The following WAPL variants were observed in gnomAD, a reference collection of about 807,000 sequenced individuals.
WAPL encodes wings apart-like protein homolog.
WAPL carries 5 observed loss-of-function variants against 121.0 expected under a neutral mutation model. The ratio of observed to expected loss-of-function variants is 0.04; its 90% CI spans 0.02 to 0.09. The LOEUF (loss-of-function observed/expected upper bound fraction) is 0.09. Among genes scored for constraint, WAPL ranks in the 10% least tolerant of loss-of-function variants. WAPL has a pLI of 1.00. For missense variants in WAPL, 999 were observed against 1,410.8 expected (o/e 0.71, Z 4.68); for synonymous variants, 480 against 481.5 (o/e 1.00, Z 0.04).
intron 4 of WAPL, among the ~76,000 whole-genome samples, chr10:86,474,760 A>G (rs1044505115): frequency 1.3e-5 from 2 of 152,176 alleles, no homozygotes; most frequent in Non-Finnish European, 2.9e-5. Flanking sequence ...GATGATAATA[A>G]TAATAGTTCA....
In WAPL at chr10:86,471,088, A is replaced by G; in HGVS notation, c.2046T>C (p.Ala682=). The G allele has an allele frequency of 3.1e-6, 5 of 1,613,816 alleles. No individual in the cohort carries two copies. Among genetic ancestry groups the G allele is most frequent in the East Asian group, 2.2e-5 (1 of 44,858 alleles). The change falls in exon 8 of 19, where the codon GCT becomes GCC. Residue 682 remains alanine, a synonymous_variant. Coordinates refer to ENST00000298767, the MANE Select transcript of WAPL (RefSeq NM_015045.5). ...GAAAACTGGGCATGGCACATTTAGT[A>G]GCCAAGCTAATAACACTACAAGAAA... is the stretch of plus-strand genomic sequence containing the variant. ...NTRCLSVISL[A]TKCAMPSFRM...
At chr10:86,484,804 T>A (rs72846953) in intron 4 of WAPL, among the ~76,000 whole-genome samples, 4,134 of 152,276 alleles carry the variant, frequency 0.027, 84 homozygotes, top group Non-Finnish European at 0.042. Flanking sequence ...TACGGCAACA[T>A]ATCAGAAGCA....
intron 2 of WAPL, among the ~76,000 whole-genome samples, chr10:86,505,461 A>AT (rs1354476435): frequency 6.7e-6 from 1 of 149,824 alleles, no homozygotes; most frequent in Non-Finnish European, 1.5e-5. Context: ...TAATTTTTTT[A>AT]TTTTTAGCAG....
At chr10:86,476,219 G>T (rs918201754) in intron 4 of WAPL, among the ~76,000 whole-genome samples, 1 of 151,124 alleles carries the variant, frequency 6.6e-6, no homozygotes, top group African/African-American at 2.4e-5. Context: ...CAAAAAATTA[G>T]CGGGGCACGG....
At chr10:86,442,984 A>C (rs1279325448) in intron 17 of WAPL, among the ~76,000 whole-genome samples, 1 of 147,136 alleles carries the variant, frequency 6.8e-6, no homozygotes, top group Admixed American at 6.9e-5. Context: ...TGGAGCTTGC[A>C]GTGAGCCGAG....
At chr10:86,444,497 T>C (rs146292226) in intron 16 of WAPL, among the ~76,000 whole-genome samples, 9 of 152,346 alleles carry the variant, frequency 5.9e-5, no homozygotes, top group African/African-American at 1.9e-4. Flanking sequence ...GTCTAAGGAA[T>C]ACAGTATTAA....
chr10:86,461,327 G>T, intron 9 of WAPL, 40 bp from the exon 10 acceptor site: 2 of 1,493,532 alleles, frequency 1.3e-6, no homozygotes, highest in Non-Finnish European at 9.2e-7. Context: ...TCAACTTTTA[G>T]CAATAACTCT....
At chr10:86,438,234 A>G (rs1849373472) in intron 17 of WAPL, among the ~76,000 whole-genome samples, 1 of 150,506 alleles carries the variant, frequency 6.6e-6, no homozygotes, top group African/African-American at 2.4e-5. Flanking sequence ...CTACAAAGAA[A>G]TATTTGTGTA....
At position 86,521,780 on chromosome 10, in the gene WAPL, C is replaced by T. The variant is rs973129592; in HGVS notation, c.-438G>A. The T allele has an allele frequency of 3.2e-5, 14 of 438,274 alleles. No individual in the cohort carries two copies. Among genetic ancestry groups the T allele is most frequent in the Non-Finnish European group, 5.2e-5 (11 of 212,888 alleles). The allele number at this position is 438,274 out of a possible 1,614,324, so 27.1% of individuals were successfully genotyped here. ...CCCCACCTCCTTCCTCCAACAGCCG[C>T]TCGCTCCGTCACTCCGCTTCCCACA... On this transcript the variant is annotated 5_prime_UTR_variant, in exon 1 of 19. Transcript: ENST00000298767.
At position 86,520,766 on chromosome 10, in the gene WAPL, T is replaced by TA. The variant is rs10574217; in HGVS notation, c.-23+598dup. On this transcript the variant is annotated intron_variant, in intron 1 of 18. Transcript: ENST00000298767. ...ATTTTGAGAGAAGTGCGCTGTGATT[T>TA]AAAAAAAAAAAAAAAAAAAAAAAAG... 4.9e-3 allele frequency among the ~76,000 whole-genome samples: 485 copies of TA among 98,094 alleles called. 3 individuals carry two copies. Among genetic ancestry groups the TA allele is most frequent in the South Asian group, 0.011 (28 of 2,590 alleles). 64.4% of individuals were successfully genotyped at this position (98,094 alleles called of 152,430 possible).
chr10:86,450,386 C>G (rs1006754671), intron 15 of WAPL, among the ~76,000 whole-genome samples: 1 of 152,120 alleles, frequency 6.6e-6, no homozygotes, highest in Non-Finnish European at 1.5e-5. Context: ...TGAGCATGCA[C>G]CACCACACTC....
chr10:86,481,562 G>A (rs986760883), intron 4 of WAPL, among the ~76,000 whole-genome samples: 5 of 152,028 alleles, frequency 3.3e-5, no homozygotes, highest in African/African-American at 7.2e-5. Flanking sequence ...TAGTAGAGAC[G>A]GGGTTTATCC....
chr10:86,477,052 C>T (rs1470267647), intron 4 of WAPL, among the ~76,000 whole-genome samples: 1 of 152,116 alleles, frequency 6.6e-6, no homozygotes, highest in Non-Finnish European at 1.5e-5. Context: ...CCAATTAGAA[C>T]TTTTTCTTGA....
chr10:86,495,881 G>A (rs900584086), intron 4 of WAPL, among the ~76,000 whole-genome samples: 4 of 152,136 alleles, frequency 2.6e-5, no homozygotes, highest in Non-Finnish European at 5.9e-5. Context: ...CTGGGACACC[G>A]AGGCAAGTGT....
intron 4 of WAPL, among the ~76,000 whole-genome samples, chr10:86,488,291 T>C (rs984306328): frequency 9.9e-5 from 15 of 152,192 alleles, no homozygotes; most frequent in African/African-American, 3.4e-4. Flanking sequence ...CTAGAAGCAA[T>C]GACACTTCAG....
intron 17 of WAPL, among the ~76,000 whole-genome samples, chr10:86,438,271 T>TTA (rs1554825066): frequency 1.5e-4 from 22 of 148,304 alleles, no homozygotes; most frequent in Admixed American, 2.0e-4. Flanking sequence ...TTTTTTTTTT[T>TTA]AAATGAAACA....
Position 86,435,919 on chromosome 10 carries a change from A to T in WAPL, c.*1624T>A, listed in dbSNP as rs1023560651. On this transcript the variant is annotated 3_prime_UTR_variant, in exon 19 of 19. Coordinates refer to ENST00000298767, the MANE Select transcript of WAPL (RefSeq NM_015045.5). ...GGGTATCATTTACCAATATGTTTTT[A>T]AAAGTATTTTGCTAAGCTAGCTTTA... 7.2e-5 allele frequency: 11 copies of T among 152,250 alleles called. No individual in the cohort carries two copies. Among genetic ancestry groups the T allele is most frequent in the Non-Finnish European group, 1.5e-4 (10 of 68,036 alleles). The allele number at this position is 152,250 out of a possible 1,614,324, so 9.4% of individuals were successfully genotyped here.
intron 11 of WAPL, among the ~76,000 whole-genome samples, chr10:86,459,323 C>T (rs1841218576): frequency 6.6e-6 from 1 of 152,142 alleles, no homozygotes; most frequent in African/African-American, 2.4e-5. Context: ...TAACGAATTG[C>T]CAAACACACT....
At chr10:86,514,742 T>C (rs1554833269) in intron 2 of WAPL, among the ~76,000 whole-genome samples, 1 of 152,156 alleles carries the variant, frequency 6.6e-6, no homozygotes, top group Non-Finnish European at 1.5e-5. Flanking sequence ...ACAGAAACAA[T>C]TACTTATGAA....
Sources: gnomAD v4.1 joint callset for allele counts (sites outside exome capture counted in the v4.1 genomes callset) on GRCh38, gnomAD v4.1.1 for gene constraint, MANE v1.5 for transcripts, NCBI Gene and HGNC (gene_info 2026-07-23, HGNC 2026-07-21) for gene names.